The following CCDC148 variants were observed in gnomAD, a reference collection of about 807,000 sequenced individuals.
CCDC148 encodes coiled-coil domain containing 148.
CCDC148 carries 89 observed loss-of-function variants against 85.7 expected under a neutral mutation model. The observed-to-expected ratio is 1.04, with a 90% confidence interval of 0.87 to 1.24. CCDC148 has a LOEUF of 1.24. CCDC148 is among the 50% of genes most tolerant of loss of function. The pLI is 0.00. For missense variants in CCDC148, 692 were observed against 671.7 expected, an observed-to-expected ratio of 1.03 and a Z score of -0.33; for synonymous variants, 230 against 213.9, an observed-to-expected ratio of 1.08 and a Z score of -0.66.
intron 5 of CCDC148, among the ~76,000 whole-genome samples, 171 bp downstream of exon 5, chr2:158,340,071 T>C (rs566241714): frequency 6.6e-6 from 1 of 152,188 alleles, no homozygotes; most frequent in Non-Finnish European, 1.5e-5. Context: ...AGTTCAGGCA[T>C]GTGTTTAAAA....
intron 9 of CCDC148, among the ~76,000 whole-genome samples, chr2:158,288,131 C>A (rs1185625570): frequency 6.6e-6 from 1 of 152,088 alleles, no homozygotes; most frequent in Non-Finnish European, 1.5e-5. Context: ...GACACCAAGT[C>A]CCTAGCACAG....
At chr2:158,425,355 G>A in intron 1 of CCDC148, 1 of 486,646 alleles carries the variant, frequency 2.1e-6, no homozygotes, top group Non-Finnish European at 4.1e-6. Flanking sequence ...AACCCATCTT[G>A]CAGGATGACA....
chr2:158,407,916 G>T (rs946746412), intron 1 of CCDC148, among the ~76,000 whole-genome samples: 1 of 152,086 alleles, frequency 6.6e-6, no homozygotes, highest in African/African-American at 2.4e-5. Context: ...CTTACTCTAA[G>T]TAACTGATAA....
chr2:158,259,347 T>C (rs771566144), intron 9 of CCDC148, among the ~76,000 whole-genome samples: 1 of 151,876 alleles, frequency 6.6e-6, no homozygotes, highest in African/African-American at 2.4e-5. Flanking sequence ...GTGATCTCCA[T>C]GAGAACAGGG....
chr2:158,326,776 T>C (rs1692797562), intron 7 of CCDC148, among the ~76,000 whole-genome samples: 1 of 152,154 alleles, frequency 6.6e-6, no homozygotes, highest in Admixed American at 6.6e-5. Context: ...ATAAAAATTC[T>C]TTCTCACACC....
At chr2:158,432,058 T>A (rs1472474769) in intron 1 of CCDC148, among the ~76,000 whole-genome samples, 3 of 152,152 alleles carry the variant, frequency 2.0e-5, no homozygotes, top group Non-Finnish European at 4.4e-5. Flanking sequence ...GGGTTTTATA[T>A]AATGAATAAG....
chr2:158,291,880 T>A (rs1484764114), intron 9 of CCDC148, among the ~76,000 whole-genome samples: 1 of 152,218 alleles, frequency 6.6e-6, no homozygotes, highest in Non-Finnish European at 1.5e-5. Flanking sequence ...TCACTAAGTA[T>A]ATTACTAACA....
At chr2:158,268,933 G>T (rs1313106278) in intron 9 of CCDC148, among the ~76,000 whole-genome samples, 1 of 152,126 alleles carries the variant, frequency 6.6e-6, no homozygotes, top group African/African-American at 2.4e-5. Flanking sequence ...TATTCTGTTG[G>T]ATATACACAT....
intron 9 of CCDC148, among the ~76,000 whole-genome samples, chr2:158,292,268 T>C (rs1045291555): frequency 6.6e-6 from 1 of 152,126 alleles, no homozygotes; most frequent in African/African-American, 2.4e-5. Flanking sequence ...TCAGCGAAAA[T>C]ACTCTGATGG....
At chr2:158,173,687 A>G (rs1684428307) in intron 13 of CCDC148, among the ~76,000 whole-genome samples, 1 of 152,030 alleles carries the variant, frequency 6.6e-6, no homozygotes, top group Non-Finnish European at 1.5e-5. Flanking sequence ...GAAGTCAAGA[A>G]TAATACAGAG....
At chr2:158,378,904 G>C (rs1322567029) in intron 1 of CCDC148, among the ~76,000 whole-genome samples, 1 of 152,132 alleles carries the variant, frequency 6.6e-6, no homozygotes, top group Non-Finnish European at 1.5e-5. Context: ...CTCTGAAGGA[G>C]ATGTACAGGA....
At chr2:158,331,277 T>A (rs1294941287) in intron 7 of CCDC148, among the ~76,000 whole-genome samples, 3 of 152,230 alleles carry the variant, frequency 2.0e-5, no homozygotes, top group Non-Finnish European at 4.4e-5. Context: ...CAGTAGTCAT[T>A]CAGGAGCAGG....
At chr2:158,205,384 T>C (rs999456866) in intron 11 of CCDC148, among the ~76,000 whole-genome samples, 1 of 152,038 alleles carries the variant, frequency 6.6e-6, no homozygotes, top group Non-Finnish European at 1.5e-5. Context: ...ATCTGAGGCA[T>C]GGAAAATGTG....
At chr2:158,255,086 A>G (rs1688956304) in intron 9 of CCDC148, among the ~76,000 whole-genome samples, 1 of 151,614 alleles carries the variant, frequency 6.6e-6, no homozygotes, top group Non-Finnish European at 1.5e-5. Flanking sequence ...AAAAGCCAAT[A>G]GTTTGTAGAT....
intron 11 of CCDC148, among the ~76,000 whole-genome samples, chr2:158,208,496 T>C (rs1686375361): frequency 6.6e-6 from 1 of 152,068 alleles, no homozygotes. Context: ...CAGAAGCCAG[T>C]GGTGCAGAGA....
At chr2:158,419,395 G>A (rs1238998371) in intron 1 of CCDC148, among the ~76,000 whole-genome samples, 1 of 152,196 alleles carries the variant, frequency 6.6e-6, no homozygotes, top group African/African-American at 2.4e-5. Flanking sequence ...ACAGCCAAAT[G>A]TGAAGTCAGC....
chr2:158,368,830 A>T (rs1684310104), intron 1 of CCDC148, among the ~76,000 whole-genome samples: 1 of 152,074 alleles, frequency 6.6e-6, no homozygotes, highest in Non-Finnish European at 1.5e-5. Context: ...TACAGGGAAA[A>T]ATCAGGACTT....
intron 7 of CCDC148, among the ~76,000 whole-genome samples, chr2:158,323,341 T>C (rs538104708): frequency 2.6e-5 from 4 of 152,334 alleles, no homozygotes; most frequent in South Asian, 4.1e-4. Context: ...ATCTCATTAA[T>C]TGAAAAATAT....
chr2:158,267,322 T>C (rs562287744), intron 9 of CCDC148, among the ~76,000 whole-genome samples: 52 of 152,278 alleles, frequency 3.4e-4, no homozygotes, highest in South Asian at 1.2e-3. Context: ...TTTGCTTGCC[T>C]AGACTCAGCT....
Sources: allele counts gnomAD v4.1 joint callset (sites outside exome capture counted in the v4.1 genomes callset), GRCh38; gene constraint gnomAD v4.1.1; transcripts MANE v1.5; gene names NCBI Gene and HGNC (gene_info 2026-07-23, HGNC 2026-07-21).